NKAIN2: variants seen among roughly 807,000 people sequenced by gnomAD.
NKAIN2 encodes sodium/potassium transporting ATPase interacting 2.
Under a neutral mutation model 32.6 loss-of-function variants are expected in NKAIN2, and 14 were observed. The ratio of observed to expected loss-of-function variants is 0.43; its 90% CI spans 0.28 to 0.67. The LOEUF (loss-of-function observed/expected upper bound fraction) is 0.67. Among genes scored for constraint, NKAIN2 ranks in the 30% least tolerant of loss-of-function variants. The pLI is 0.17. For missense variants in NKAIN2, 198 were observed against 258.3 expected, an observed-to-expected ratio of 0.77 and a Z score of 1.60; for synonymous variants, 80 against 87.2, an observed-to-expected ratio of 0.92 and a Z score of 0.46.
At chr6:124,298,025 C>G (rs945114039) in intron 2 of NKAIN2, among the ~76,000 whole-genome samples, 6 of 152,102 alleles carry the variant, frequency 3.9e-5, no homozygotes, top group Non-Finnish European at 5.9e-5. Context: ...GAGCATGTGT[C>G]TTGCATAAGT....
intron 1 of NKAIN2, among the ~76,000 whole-genome samples, chr6:123,914,373 GAGA>G (rs1050135694): frequency 3.3e-5 from 5 of 151,936 alleles, no homozygotes; most frequent in South Asian, 2.1e-4. Context: ...GGGAGGGAGG[GAGA>G]AGGAGAGAGT....
At chr6:124,379,832 G>A (rs1407281691) in intron 3 of NKAIN2, among the ~76,000 whole-genome samples, 1 of 152,056 alleles carries the variant, frequency 6.6e-6, no homozygotes, top group African/African-American at 2.4e-5. Context: ...CCATTATCTT[G>A]TGCAATCCCA....
At chr6:123,844,320 T>A (rs1562214546) in intron 1 of NKAIN2, among the ~76,000 whole-genome samples, 1 of 152,186 alleles carries the variant, frequency 6.6e-6, no homozygotes, top group African/African-American at 2.4e-5. Context: ...GCATAGATTA[T>A]GAGAGAGGAA....
At chr6:124,005,508 A>G (rs1451672158) in intron 1 of NKAIN2, among the ~76,000 whole-genome samples, 1 of 152,144 alleles carries the variant, frequency 6.6e-6, no homozygotes, top group Middle Eastern at 3.2e-3. Flanking sequence ...ATTGTAGTAC[A>G]TCCCCTAGGT....
At chr6:124,266,973 A>G (rs894538279) in intron 1 of NKAIN2, among the ~76,000 whole-genome samples, 1 of 152,186 alleles carries the variant, frequency 6.6e-6, no homozygotes, top group Non-Finnish European at 1.5e-5. Context: ...GAATTAACGA[A>G]GTCCAATCTA....
chr6:124,648,633 G>A (rs1784260769), intron 3 of NKAIN2, among the ~76,000 whole-genome samples: 1 of 152,106 alleles, frequency 6.6e-6, no homozygotes, highest in South Asian at 2.1e-4. Flanking sequence ...GCCAAAGCCT[G>A]GAGGATTCCA....
At chr6:124,502,035 C>T (rs1307315071) in intron 3 of NKAIN2, among the ~76,000 whole-genome samples, 1 of 152,008 alleles carries the variant, frequency 6.6e-6, no homozygotes, top group Non-Finnish European at 1.5e-5. Context: ...ACCCAGGAGG[C>T]GGAGTTTGGA....
intron 1 of NKAIN2, among the ~76,000 whole-genome samples, chr6:124,279,436 G>A (rs1051196452): frequency 2.7e-5 from 4 of 148,886 alleles, no homozygotes; most frequent in Admixed American, 6.7e-5. Context: ...GAACCTGGGA[G>A]GCAGAGCTTG....
intron 1 of NKAIN2, among the ~76,000 whole-genome samples, chr6:123,958,736 G>T (rs1777710118): frequency 6.6e-6 from 1 of 152,188 alleles, no homozygotes; most frequent in South Asian, 2.1e-4. Context: ...TTGTCTTGAT[G>T]TAAGATTCTT....
chr6:124,425,000 T>C (rs1774920941), intron 3 of NKAIN2, among the ~76,000 whole-genome samples: 1 of 152,148 alleles, frequency 6.6e-6, no homozygotes, highest in Non-Finnish European at 1.5e-5. Flanking sequence ...TCCCTATGGC[T>C]ATACCAATTA....
chr6:124,710,205 A>T (rs1488436962), intron 4 of NKAIN2, among the ~76,000 whole-genome samples: 2 of 152,024 alleles, frequency 1.3e-5, no homozygotes, highest in African/African-American at 4.8e-5. Context: ...ATAGTTTGTT[A>T]TAATCTCTGT....
At chr6:124,289,637 T>C (rs1239555786) in intron 2 of NKAIN2, among the ~76,000 whole-genome samples, 3 of 152,172 alleles carry the variant, frequency 2.0e-5, no homozygotes, top group Non-Finnish European at 4.4e-5. Flanking sequence ...ATAATTGCCG[T>C]GATTTGATTT....
At chr6:124,147,804 A>G (rs1405697716) in intron 1 of NKAIN2, among the ~76,000 whole-genome samples, 1 of 152,134 alleles carries the variant, frequency 6.6e-6, no homozygotes, top group Non-Finnish European at 1.5e-5. Context: ...CATTGCTTGC[A>G]CTAGTAAAGC....
intron 3 of NKAIN2, among the ~76,000 whole-genome samples, chr6:124,443,594 G>A (rs908666532): frequency 1.2e-4 from 18 of 151,966 alleles, no homozygotes; most frequent in African/African-American, 3.4e-4. Flanking sequence ...AATTATAGGG[G>A]GTAGCATAGG....
intron 1 of NKAIN2, among the ~76,000 whole-genome samples, chr6:124,120,844 A>C (rs138971489): frequency 2.4e-3 from 371 of 152,236 alleles, no homozygotes; most frequent in Non-Finnish European, 4.1e-3. Flanking sequence ...CAGTAGATTC[A>C]CCAATTTATA....
chr6:124,408,120 C>T (rs1433863965), intron 3 of NKAIN2, among the ~76,000 whole-genome samples: 17 of 151,812 alleles, frequency 1.1e-4, no homozygotes, highest in East Asian at 5.8e-4. Flanking sequence ...GAGTAGATTG[C>T]GAAAATTTTC....
intron 4 of NKAIN2, among the ~76,000 whole-genome samples, chr6:124,780,831 T>C (rs1317233913): frequency 6.6e-6 from 1 of 152,190 alleles, no homozygotes; most frequent in Non-Finnish European, 1.5e-5. Flanking sequence ...TAGAAGCACG[T>C]GTAAGCAATT....
chr6:124,087,718 ATAG>A (rs1212915993), intron 1 of NKAIN2, among the ~76,000 whole-genome samples: 1 of 151,972 alleles, frequency 6.6e-6, no homozygotes, highest in Non-Finnish European at 1.5e-5. Context: ...TGCGTATGTA[ATAG>A]TAGGGAAAAA....
At chr6:124,437,026 C>T (rs973449904) in intron 3 of NKAIN2, among the ~76,000 whole-genome samples, 8 of 152,124 alleles carry the variant, frequency 5.3e-5, no homozygotes, top group Non-Finnish European at 1.2e-4. Context: ...TTCTGTCCTT[C>T]GAATGCCTTT....
Sources: allele counts gnomAD v4.1 joint callset (sites outside exome capture counted in the v4.1 genomes callset), GRCh38; gene constraint gnomAD v4.1.1; transcripts MANE v1.5; gene names NCBI Gene and HGNC (gene_info 2026-07-23, HGNC 2026-07-21).